The following COG6 variants were observed in gnomAD, a reference collection of about 807,000 sequenced individuals.
The protein encoded by COG6 is conserved oligomeric Golgi complex subunit 6.
A neutral mutation model predicts 88.8 loss-of-function variants in COG6; 74 were observed. The observed-to-expected ratio is 0.83, with a 90% CI of 0.69 to 1.01. The LOEUF (loss-of-function observed/expected upper bound fraction) is 1.01. Among genes scored for constraint, COG6 ranks in the 50% least tolerant of loss-of-function variants. The pLI is 0.00. For synonymous variants in COG6, 286 were observed against 278.7 expected (o/e 1.03, Z -0.26); for missense variants, 800 against 797.9 (o/e 1.00, Z -0.03).
At chr13:39,656,437 G>T (rs1054106814) in intron 1 of COG6, among the ~76,000 whole-genome samples, 6 of 152,076 alleles carry the variant, frequency 3.9e-5, no homozygotes, top group Non-Finnish European at 8.8e-5. Context: ...TGAGCCAAGC[G>T]CTATGATTTG....
intron 11 of COG6, among the ~76,000 whole-genome samples, chr13:39,692,801 T>G (rs1877056194): frequency 6.6e-6 from 1 of 152,016 alleles, no homozygotes; most frequent in Non-Finnish European, 1.5e-5. Flanking sequence ...TGATGCTGCT[T>G]CTCGTAATGC....
rs117860961 is a variant in COG6 at position 39,722,971 on chromosome 13, G to A, written c.1585-362G>A. ...CAGTCTAGAAAGTTGGGAGCGTGAG[G>A]AGGACAGGAGGTCAGGAACATCAGG... On this transcript the variant is annotated intron_variant, in intron 15 of 18. Transcript: ENST00000455146. 5.9e-3 allele frequency among the ~76,000 whole-genome samples: 905 copies of A among 152,190 alleles called. 5 individuals are homozygous for A. The highest frequency in any genetic ancestry group is 0.011 in the Non-Finnish European group (715 of 67,992).
At chr13:39,718,869 G>T (rs1878684064) in intron 13 of COG6, among the ~76,000 whole-genome samples, 1 of 152,024 alleles carries the variant, frequency 6.6e-6, no homozygotes, top group African/African-American at 2.4e-5. Flanking sequence ...TTATATTATA[G>T]TTGGAATAGT....
intron 13 of COG6, among the ~76,000 whole-genome samples, 189 bp from the exon 14 acceptor site, chr13:39,719,047 C>CA (rs1878694547): frequency 6.6e-6 from 1 of 152,076 alleles, no homozygotes; most frequent in African/African-American, 2.4e-5. Flanking sequence ...GATAATCTGA[C>CA]AAAGAACTTT....
At chr13:39,676,910 G>A (rs1876005565) in intron 4 of COG6, among the ~76,000 whole-genome samples, 1 of 151,978 alleles carries the variant, frequency 6.6e-6, no homozygotes. Context: ...TTAAAAGGTT[G>A]TTTTTATTAC....
At chr13:39,740,107 CTAAA>C (rs558312730) in intron 18 of COG6, among the ~76,000 whole-genome samples, 89 of 152,200 alleles carry the variant, frequency 5.8e-4, no homozygotes, top group African/African-American at 1.9e-3. Flanking sequence ...AAAGATCTGA[CTAAA>C]TAGGCATACT....
exon 19 of COG6, chr13:39,791,164 C>T (rs973413274): frequency 6.6e-6 from 1 of 151,938 alleles, no homozygotes; most frequent in African/African-American, 2.4e-5. Flanking sequence ...CAGACAGACA[C>T]CCACTTTCTA....
At chr13:39,744,018 A>G (rs568326739) in intron 18 of COG6, among the ~76,000 whole-genome samples, 3 of 152,310 alleles carry the variant, frequency 2.0e-5, no homozygotes, top group Admixed American at 6.5e-5. Flanking sequence ...GATTATCTCA[A>G]TAAACGCAGA....
In COG6 at chr13:39,751,228, T is replaced by A; in HGVS notation, c.*135T>A. The A allele has an allele frequency of 1.4e-5, 5 of 345,916 alleles. No individual in the cohort carries two copies. Among genetic ancestry groups the A allele is most frequent in the Non-Finnish European group, 1.7e-5 (4 of 231,496 alleles). The allele number at this position is 345,916 out of a possible 1,614,324, so 21.4% of individuals were successfully genotyped here. ...ATCATAAGATTGTAAGTCCCGATAA[T>A]TTTTTTTTTTTTGGTCTCAGTAACA... On this transcript the variant is annotated 3_prime_UTR_variant, in exon 19 of 19. Transcript: ENST00000455146.
intron 16 of COG6, among the ~76,000 whole-genome samples, chr13:39,723,945 T>G (rs1377349244): frequency 6.6e-6 from 1 of 152,018 alleles, no homozygotes; most frequent in African/African-American, 2.4e-5. Flanking sequence ...CTTATTAAAT[T>G]ATAGAACCCT....
At chr13:39,750,061 C>T (rs1380870615) in intron 18 of COG6, among the ~76,000 whole-genome samples, 1 of 152,118 alleles carries the variant, frequency 6.6e-6, no homozygotes, top group Non-Finnish European at 1.5e-5. Flanking sequence ...ATGCCATTAA[C>T]AGAAGTAGGA....
intron 18 of COG6, among the ~76,000 whole-genome samples, chr13:39,728,464 TG>T (rs1283441876): frequency 1.5e-5 from 2 of 130,406 alleles, no homozygotes; most frequent in African/African-American, 5.5e-5. Flanking sequence ...TGGAAATCTA[TG>T]GACCACTTTT....
intron 15 of COG6, among the ~76,000 whole-genome samples, chr13:39,721,161 T>G (rs1352426998): frequency 6.6e-6 from 1 of 152,118 alleles, no homozygotes; most frequent in Non-Finnish European, 1.5e-5. Flanking sequence ...TCTTAAGATG[T>G]TAAGATATGT....
At chr13:39,703,912 T>C (rs2138042901) in intron 13 of COG6, among the ~76,000 whole-genome samples, 1 of 151,856 alleles carries the variant, frequency 6.6e-6, no homozygotes, top group South Asian at 2.1e-4. Flanking sequence ...TTTTTTTTTT[T>C]CTGTAGAGAC....
chr13:39,756,355 GA>G (rs937267911), downstream of COG6, among the ~76,000 whole-genome samples: 5 of 149,794 alleles, frequency 3.3e-5, no homozygotes, highest in Admixed American at 1.3e-4. Flanking sequence ...GGAAAAGGAA[GA>G]AAAAAAAATG....
chr13:39,686,822 C>A (rs981716884), intron 8 of COG6, among the ~76,000 whole-genome samples: 12 of 151,962 alleles, frequency 7.9e-5, no homozygotes, highest in Admixed American at 7.9e-4. Context: ...CTGAACCTCA[C>A]GGGCTCAAGT....
Position 39,724,543 on chromosome 13 carries a change from G to A in COG6, c.1728G>A (p.Val576=), listed in dbSNP as rs761606363. The A allele has an allele frequency of 3.5e-5, 55 of 1,557,198 alleles. No individual in the cohort carries two copies. Among genetic ancestry groups the A allele is most frequent in the Admixed American group, 5.1e-5 (3 of 58,744 alleles). The stretch of plus-strand genomic sequence containing the variant: ...CTAATATGCCCAACCTAGATTCTGT[G>A]ACACTGAAGGCTGCAATGGTAAGTG... ...SLANMPNLDS[V]TLKAAMVQFD... is the part of the protein sequence containing the mutation. Residue 576 remains valine (V), a synonymous_variant, in exon 17 of 19, where the codon GTG becomes GTA. Transcript: ENST00000455146.
intron 3 of COG6, among the ~76,000 whole-genome samples, chr13:39,663,541 T>C (rs984787698): frequency 6.6e-5 from 10 of 152,318 alleles, no homozygotes; most frequent in African/African-American, 2.2e-4. Flanking sequence ...GAAGAACTTA[T>C]TGGCAGTCTA....
intron 13 of COG6, among the ~76,000 whole-genome samples, chr13:39,711,591 T>C (rs7992794): frequency 0.016 from 2,431 of 152,224 alleles, 74 homozygotes; most frequent in African/African-American, 0.056. Flanking sequence ...ATATTATTCC[T>C]TCCTCCTCCT....
Sources: gnomAD v4.1 joint callset for allele counts (sites outside exome capture counted in the v4.1 genomes callset) on GRCh38, gnomAD v4.1.1 for gene constraint, MANE v1.5 for transcripts, NCBI Gene and HGNC (gene_info 2026-07-23, HGNC 2026-07-21) for gene names.